NLRP5: variants seen among roughly 807,000 people sequenced by gnomAD.
NLRP5 encodes NLR family pyrin domain containing 5.
A neutral mutation model predicts 113.1 loss-of-function variants in NLRP5; 93 were observed. The observed-to-expected ratio is 0.82, with a 90% CI of 0.70 to 0.98. NLRP5 has a LOEUF of 0.98. Among genes scored for constraint, NLRP5 ranks in the 50% least tolerant of loss-of-function variants. The pLI is 0.00. For missense variants in NLRP5, 1,808 were observed against 1,514.3 expected (o/e 1.19, Z -3.22); for synonymous variants, 751 against 600.7 (o/e 1.25, Z -3.66).
At position 56,029,662 on chromosome 19, in the gene NLRP5, A is replaced by C. The variant is rs555674198; in HGVS notation, c.2276+1153A>C. Among the ~76,000 whole-genome samples, 266 of 152,304 alleles carry C rather than the reference A, an allele frequency of 1.7e-3. 1 individual carries two copies. Among genetic ancestry groups the C allele is most frequent in the African/African-American group, 6.2e-3 (259 of 41,568 alleles). ...TGGACTGTCTCAGTGTCATCCTCCT[A>C]TGACCCAGAACACAGCAGTGACGAA... On this transcript the variant is annotated intron_variant, in intron 7 of 14. Transcript: ENST00000390649.
At chr19:56,007,904 CGTGTGT>C (rs57588214) in intron 2 of NLRP5, among the ~76,000 whole-genome samples, 2,232 of 110,064 alleles carry the variant, frequency 0.02, 295 homozygotes, top group Middle Eastern at 0.037. Flanking sequence ...TGCGCGCGTG[CGTGTGT>C]GTGTGTGTGT....
chr19:56,015,686 A>G, intron 3 of NLRP5, 56 bp from the exon 4 acceptor site: 1 of 1,411,526 alleles, frequency 7.1e-7, no homozygotes, highest in East Asian at 2.5e-5. Flanking sequence ...AACATCTCTG[A>G]TTTGAATAAT....
chr19:55,990,566 C>CCT, the NLRP5 span, among the ~76,000 whole-genome samples: 3 of 151,952 alleles, frequency 2.0e-5, no homozygotes, highest in Non-Finnish European at 4.4e-5. Context: ...GTGGCTCATG[C>CCT]CTGTAATCCC....
intron 9 of NLRP5, among the ~76,000 whole-genome samples, 195 bp from the exon 10 acceptor site, chr19:56,037,830 A>C (rs759272569): frequency 1.7e-4 from 26 of 152,066 alleles, no homozygotes; most frequent in Admixed American, 3.3e-4. Flanking sequence ...AAGGACGTGA[A>C]CCCCATGAAA....
chr19:56,033,037 G>C (rs958879072), intron 8 of NLRP5, among the ~76,000 whole-genome samples: 2 of 152,078 alleles, frequency 1.3e-5, no homozygotes, highest in Admixed American at 6.6e-5. Context: ...CCTGAGGTCA[G>C]GAGTTCAAGA....
intron 2 of NLRP5, among the ~76,000 whole-genome samples, chr19:56,004,522 AC>A (rs1377834235): frequency 2.0e-5 from 3 of 152,022 alleles, no homozygotes; most frequent in Non-Finnish European, 4.4e-5. Context: ...GTGGCTAAGA[AC>A]CTCATTGGTT....
chr19:55,997,074 C>T (rs1241080660), upstream of NLRP5, among the ~76,000 whole-genome samples: 4 of 152,168 alleles, frequency 2.6e-5, no homozygotes, highest in African/African-American at 9.7e-5. Flanking sequence ...ATTTGCATTT[C>T]TCTGATGGCC....
At chr19:56,007,898 C>CGTGT (rs1357647456) in intron 2 of NLRP5, among the ~76,000 whole-genome samples, 1 of 41,400 alleles carries the variant, frequency 2.4e-5, no homozygotes, top group African/African-American at 6.7e-5. Context: ...TGCGCGTGCG[C>CGTGT]GCGTGCGTGT....
chr19:56,029,685 G>A (rs978480039), intron 7 of NLRP5, among the ~76,000 whole-genome samples: 1 of 152,216 alleles, frequency 6.6e-6, no homozygotes, highest in Non-Finnish European at 1.5e-5. Context: ...CAGCAGTGAC[G>A]AATGTGGACA....
chr19:56,018,777 G>A (rs1982501577), intron 4 of NLRP5: 1 of 153,962 alleles, frequency 6.5e-6, no homozygotes, highest in Non-Finnish European at 1.4e-5. Flanking sequence ...AAGATCCTAA[G>A]ATCCTTAATT....
intron 2 of NLRP5, 145 bp from the exon 3 acceptor site, chr19:56,008,643 T>G: frequency 1.4e-6 from 1 of 707,974 alleles, no homozygotes; most frequent in Non-Finnish European, 2.5e-6. Context: ...GTTGTCTCCG[T>G]TATAGGCCAA....
Position 56,032,586 on chromosome 19 carries a change from C to T in NLRP5, c.2277-25C>T, listed in dbSNP as rs370222218. On this transcript the variant is annotated intron_variant, in intron 7 of 14. Coordinates refer to ENST00000390649, the MANE Select transcript of NLRP5 (RefSeq NM_153447.4). Reference sequence around the variant, plus strand: ...CATGTTAAACTCCATCCCATGAGCCCATGTTTCTATCCCCCCTGACATAGG... The same window carrying T: ...CATGTTAAACTCCATCCCATGAGCCTATGTTTCTATCCCCCCTGACATAGG... 3 of 1,600,694 alleles carry T rather than the reference C, an allele frequency of 1.9e-6. No individual in the cohort carries two copies. The African/African-American group carries it at 4.0e-5, about 21-fold the overall frequency.
rs1332694209 is a variant in NLRP5, at chr19:56,042,211, T to C, written c.2957+1119T>C. ...AGTAGGAAAATTCACAAATACAGAATCCATAAATAATGAGGATCAATTGTG... is the reference window on the plus strand; with the variant it reads ...AGTAGGAAAATTCACAAATACAGAACCCATAAATAATGAGGATCAATTGTG... On this transcript the variant is annotated intron_variant, in intron 11 of 14. Coordinates refer to ENST00000390649, the MANE Select transcript of NLRP5 (RefSeq NM_153447.4). 2.6e-5 allele frequency among the ~76,000 whole-genome samples: 4 copies of C among 152,212 alleles called. No homozygotes were observed. In the East Asian group the frequency reaches 7.7e-4, roughly 29 times the overall value.
At chr19:56,039,361 G>T (rs948899260) in intron 10 of NLRP5, among the ~76,000 whole-genome samples, 1 of 152,208 alleles carries the variant, frequency 6.6e-6, no homozygotes, top group African/African-American at 2.4e-5. Context: ...CAGTAGCCAT[G>T]TGGGGCTAGC....
Position 56,027,789 on chromosome 19 carries a change from G to T in NLRP5, c.1556G>T (p.Cys519Phe). The T allele has an allele frequency of 6.2e-7, 1 of 1,614,036 alleles. No homozygotes were observed. Among genetic ancestry groups the T allele is most frequent in the Non-Finnish European group, 8.5e-7 (1 of 1,179,898 alleles). The change falls in exon 7 of 15, where the codon TGT becomes TTT. Residue 519 changes from cysteine to phenylalanine, a missense_variant. Physicochemically the swap from Cys to Phe is radical, Grantham distance 205. Transcript: ENST00000390649. ...ACCCCTCGAGGCGTGGTCCGGCGCT[G>T]TCTCAATCTGGAGGAAAGAGTTGTC...
At chr19:55,988,157 C>T in the NLRP5 span, 3 of 283,318 alleles carry the variant, frequency 1.1e-5, no homozygotes, top group African/African-American at 2.2e-5. Flanking sequence ...TATGGGAGGT[C>T]GAGGTGGGCA....
In NLRP5 at chr19:56,027,101, A is replaced by G. The variant is rs199676313; in HGVS notation, c.868A>G (p.Ile290Val). The G allele has an allele frequency of 1.0e-3, 1,640 of 1,574,914 alleles. 1 individual carries two copies. Among genetic ancestry groups the G allele is most frequent in the Non-Finnish European group, 1.3e-3 (1,477 of 1,160,286 alleles). Residue 290 changes from isoleucine to valine, a missense_variant, in exon 7 of 15, where the codon ATT becomes GTT. Coordinates refer to ENST00000390649, the MANE Select transcript of NLRP5 (RefSeq NM_153447.4). ...GGTGGTTCTGCACGGAAAGTCAGGA[A>G]TTGGGAAATCGGCTCTAGCCAGAAG...
intron 11 of NLRP5, among the ~76,000 whole-genome samples, chr19:56,049,166 A>ATATT (rs3974178): frequency 0.23 from 32,231 of 139,228 alleles, 4,573 homozygotes; most frequent in Non-Finnish European, 0.31. Context: ...TTTATTTTTT[A>ATATT]TATTTATTTA....
Position 55,999,758 on chromosome 19 carries a change from T to C in NLRP5, c.33T>C (p.Ala11=). ...TTGCAGGAGGACTTGAACTTGGAGC[T>C]GCTGCTCTGCTCTCAGCATCACCAC... The change falls in exon 1 of 15, where the codon GCT becomes GCC. Residue 11 remains alanine (A), a synonymous_variant. Transcript: ENST00000390649. 6.2e-7 allele frequency: 1 copy of C among 1,613,670 alleles called. No individual in the cohort carries two copies. The highest frequency in any genetic ancestry group is 1.3e-5 in the African/African-American group (1 of 75,036).
Sources: allele counts gnomAD v4.1 joint callset (sites outside exome capture counted in the v4.1 genomes callset), GRCh38; gene constraint gnomAD v4.1.1; transcripts MANE v1.5; gene names NCBI Gene and HGNC (gene_info 2026-07-23, HGNC 2026-07-21).